Variants in MMP28 observed in about 807,000 individuals in gnomAD.
MMP28 encodes the protein matrix metalloproteinase-28.
Under a neutral mutation model 60.5 loss-of-function variants are expected in MMP28, and 55 were observed. The ratio of observed to expected loss-of-function variants is 0.91; its 90% CI spans 0.73 to 1.14. The LOEUF is 1.14. Ranked by LOEUF, MMP28 falls within the 50% of genes most tolerant of loss-of-function variation. MMP28 has a pLI of 0.00. For missense variants in MMP28, 686 were observed against 738.3 expected, an observed-to-expected ratio of 0.93 and a Z score of 0.82; for synonymous variants, 318 against 312.5, an observed-to-expected ratio of 1.02 and a Z score of -0.18.
rs1274784487 is a variant in MMP28 at position 35,795,459 on chromosome 17, G to A, written c.-82C>T. The A allele has an allele frequency of 1.8e-5, 19 of 1,063,762 alleles. No homozygotes were observed. In the Admixed American group the frequency reaches 5.3e-4, roughly 29 times the overall value. 65.9% of individuals were successfully genotyped at this position (1,063,762 alleles called of 1,614,324 possible). On this transcript the variant is annotated 5_prime_UTR_variant, in exon 1 of 8. Coordinates refer to ENST00000605424, the MANE Select transcript of MMP28 (RefSeq NM_024302.5). ...GGCAGTCAGCCGCGCCCGGGACCCC[G>A]GGGATGGGACTGCTCTGCGCCGCCC... is the stretch of plus-strand genomic sequence containing the variant.
downstream of MMP28, chr17:35,763,830 G>A (rs1267614898): frequency 7.3e-6 from 3 of 411,426 alleles, no homozygotes; most frequent in Non-Finnish European, 1.1e-5. Context: ...CCGTGAGGCG[G>A]AGGTTGCAGT....
downstream of MMP28, among the ~76,000 whole-genome samples, chr17:35,763,122 C>CAAA (rs56180495): frequency 1.9e-5 from 2 of 103,146 alleles, no homozygotes; most frequent in Non-Finnish European, 2.2e-5. Context: ...ACTCCGTCTC[C>CAAA]AAAAAAAAAA....
intron 1 of MMP28, among the ~76,000 whole-genome samples, chr17:35,785,603 A>G (rs759971202): frequency 2.0e-5 from 3 of 152,012 alleles, no homozygotes; most frequent in Non-Finnish European, 4.4e-5. Flanking sequence ...GCCCACCACC[A>G]TGCCCGGCTA....
Position 35,779,074 on chromosome 17 carries a change from C to T in MMP28, c.193G>A (p.Ala65Thr), listed in dbSNP as rs201925301. ...GGTAGCTGGGACACCCACTGAAACG[C>T]TCTGTCAGGAGGAAAGGACCGCAAG... ...TSTRFSDAIRAFQWVSQLPVS... is the reference protein window; with the variant it reads ...TSTRFSDAIRTFQWVSQLPVS... Residue 65 changes from alanine to threonine, a missense_variant and splice_region_variant, in exon 3 of 8, where the codon GCG becomes ACG. By Grantham distance (58) the Ala-to-Thr change is moderately conservative. Transcript: ENST00000605424. 467 of 1,613,756 alleles carry T rather than the reference C, an allele frequency of 2.9e-4. 1 individual carries two copies. Among genetic ancestry groups the T allele is most frequent in the Middle Eastern group, 8.3e-4 (5 of 6,058 alleles).
In MMP28 at chr17:35,766,015, T is replaced by G; in HGVS notation, c.*485A>C. 3 of 985,364 alleles carry G rather than the reference T, an allele frequency of 3.0e-6. No homozygotes were observed. Among genetic ancestry groups the G allele is most frequent in the Non-Finnish European group, 3.6e-6 (3 of 829,912 alleles). 61.0% of individuals were successfully genotyped at this position (985,364 alleles called of 1,614,324 possible). A position where few individuals can be genotyped will look rare whatever the true frequency, so the allele number is the denominator to read the frequency against. ...GAGGTTGGAGACGCCTGTGCCTTCA[T>G]CCCCATCCATGCTTCCTGGGGGTGG... On this transcript the variant is annotated 3_prime_UTR_variant, in exon 8 of 8. Transcript: ENST00000605424. The surrounding 1 kb of genome is among the most constrained non-coding windows in gnomAD (Gnocchi z 4.3).
At chr17:35,790,068 T>G (rs1375720010) in intron 1 of MMP28, among the ~76,000 whole-genome samples, 4 of 136,814 alleles carry the variant, frequency 2.9e-5, no homozygotes, top group African/African-American at 5.5e-5. Flanking sequence ...GGCTTTTTTT[T>G]TTTTTTTTTT....
Position 35,766,608 on chromosome 17 carries a change from G to T in MMP28, c.1455C>A (p.Tyr485Ter). The change falls in exon 8 of 8, where the codon TAC becomes TAA. Residue 485 changes from tyrosine to a stop codon, truncating the protein, a stop_gained. Transcript: ENST00000605424. LOFTEE classifies it high-confidence loss of function. This position sits in a 1 kb window ranked among gnomAD's most constrained non-coding sequence, Gnocchi z 4.3. ...GSIIFFRDDR[Y>*]WRLDQAKLQA... ...GCAGTTTGGCCTGGTCGAGGCGCCA[G>T]TAGCGGTCATCTCGGAAGAAGATGA... is the stretch of plus-strand genomic sequence containing the variant. 1 of 1,612,728 alleles carries T rather than the reference G, an allele frequency of 6.2e-7. No individual in the cohort carries two copies. The highest frequency in any genetic ancestry group is 8.5e-7 in the Non-Finnish European group (1 of 1,179,780).
intron 1 of MMP28, among the ~76,000 whole-genome samples, chr17:35,789,533 G>A (rs1030869313): frequency 7.9e-5 from 12 of 151,954 alleles, no homozygotes; most frequent in African/African-American, 2.9e-4. Context: ...ATTTAAAGCT[G>A]TGAATTTCAT....
intron 1 of MMP28, among the ~76,000 whole-genome samples, chr17:35,786,678 C>T (rs562309970): frequency 1.8e-5 from 2 of 111,410 alleles, no homozygotes; most frequent in Non-Finnish European, 3.3e-5. Flanking sequence ...AGACCAGCCT[C>T]ATAGTGAGAT....
rs538905934 is a variant in MMP28, at chr17:35,771,583, G to C, written c.605-1271C>G. On this transcript the variant is annotated intron_variant, in intron 4 of 7. Transcript: ENST00000605424. ...TATGAAAGTTCATCAGGCTAAACTT[G>C]AGATGGTTCACTTCTATATGTATGT... Among the ~76,000 whole-genome samples the C allele has an allele frequency of 5.4e-5, 8 of 149,034 alleles. No individual in the cohort carries two copies. In the South Asian group the frequency reaches 1.3e-3, roughly 24 times the overall value.
rs147473178 is a variant in MMP28 at position 35,756,621 on chromosome 17, G to A, written c.266-202C>T. Among the ~76,000 whole-genome samples the A allele has an allele frequency of 4.7e-4, 71 of 151,846 alleles. No individual in the cohort carries two copies. The East Asian group carries it at 0.012, about 25-fold the overall frequency. ...GAGTAGCTGAGATTACAGGTACACCGTCACGCCTGGCTAATTTTGTATTTT... is the reference window on the plus strand; with the variant it reads ...GAGTAGCTGAGATTACAGGTACACCATCACGCCTGGCTAATTTTGTATTTT... On this transcript the variant is annotated intron_variant, in intron 2 of 2. Coordinates refer to the MMP28 transcript ENST00000615317.
intron 5 of MMP28, among the ~76,000 whole-genome samples, chr17:35,768,821 A>T (rs1429384320): frequency 1.3e-5 from 2 of 152,166 alleles, no homozygotes; most frequent in Non-Finnish European, 2.9e-5. Flanking sequence ...AAAAGAAAAA[A>T]AAAAGAGTTG....
chr17:35,766,528 T>C lies in MMP28; in HGVS notation c.1535A>G (p.His512Arg). The C allele has an allele frequency of 6.2e-7, 1 of 1,600,478 alleles. No individual in the cohort carries two copies. The highest frequency in any genetic ancestry group is 8.5e-7 in the Non-Finnish European group (1 of 1,172,738). Residue 512 changes from histidine (H) to arginine (R), a missense_variant, in exon 8 of 8, where the codon CAT (histidine) becomes CGT (arginine). Transcript: ENST00000605424. The surrounding 1 kb of genome is among the most constrained non-coding windows in gnomAD (Gnocchi z 4.3). ...GAACAGGGCGCTCCCCGAGTTGGCA[T>C]GCCAGCAGCCCATCCAGGGCAGCTC... Reference protein sequence around the residue: ...ATELPWMGCWHANSGSALF With the variant: ...ATELPWMGCWRANSGSALF
In MMP28 at chr17:35,766,901, G is replaced by T; in HGVS notation, c.1169-7C>A. 1 of 1,567,598 alleles carries T rather than the reference G, an allele frequency of 6.4e-7. No homozygotes were observed. Among genetic ancestry groups the T allele is most frequent in the South Asian group, 1.2e-5 (1 of 85,176 alleles). On this transcript the variant is annotated splice_region_variant and splice_polypyrimidine_tract_variant and intron_variant, in intron 7 of 7. Transcript: ENST00000605424. This position sits in a 1 kb window ranked among gnomAD's most constrained non-coding sequence, Gnocchi z 4.3. The stretch of plus-strand genomic sequence containing the variant: ...AACCTCCAGCATCGACCCCCTGTGG[G>T]GAATTGGGAGAGCCAGGGTGAGCTG...
chr17:35,756,785 G>A (rs1228232942), intron 2 of MMP28, among the ~76,000 whole-genome samples: 1 of 151,820 alleles, frequency 6.6e-6, no homozygotes, highest in African/African-American at 2.4e-5. Context: ...CTATTAAGAT[G>A]TTCTCCACTG....
At position 35,778,812 on chromosome 17, in the gene MMP28, G is replaced by T. The variant is rs890169047; in HGVS notation, c.379+76C>A. The T allele has an allele frequency of 1.9e-6, 3 of 1,612,952 alleles. No individual in the cohort carries two copies. The Admixed American group carries it at 5.0e-5, about 27-fold the overall frequency. ...AGGTTACTGACAAAGTCCAGTCCCA[G>T]GCTCAGCTGTTTTCCTAGCCATTGG... On this transcript the variant is annotated intron_variant, in intron 3 of 7. Transcript: ENST00000605424.
intron 1 of MMP28, among the ~76,000 whole-genome samples, chr17:35,785,878 T>C (rs2086633338): frequency 6.6e-6 from 1 of 152,184 alleles, no homozygotes; most frequent in African/African-American, 2.4e-5. Context: ...ATGTATAAAA[T>C]GGGAGAAAGA....
At chr17:35,780,124 A>G (rs2086456312) in intron 1 of MMP28, among the ~76,000 whole-genome samples, 1 of 151,962 alleles carries the variant, frequency 6.6e-6, no homozygotes, top group Non-Finnish European at 1.5e-5. Flanking sequence ...GCTGGAGTGC[A>G]ATGGTACAAT....
intron 1 of MMP28, among the ~76,000 whole-genome samples, chr17:35,794,920 G>C (rs1291907719): frequency 6.6e-6 from 1 of 152,182 alleles, no homozygotes; most frequent in Admixed American, 6.5e-5. Flanking sequence ...CACACGGTTC[G>C]GGGGCATCCG....
Sources: allele counts gnomAD v4.1 joint callset (sites outside exome capture counted in the v4.1 genomes callset), GRCh38; gene constraint gnomAD v4.1.1; non-coding constraint Gnocchi (gnomAD v3.1); transcripts MANE v1.5; gene names NCBI Gene and HGNC (gene_info 2026-07-23, HGNC 2026-07-21).